SYTL3: variants seen among roughly 807,000 people sequenced by gnomAD.
The protein encoded by SYTL3 is synaptotagmin like 3.
A neutral mutation model predicts 82.1 loss-of-function variants in SYTL3; 88 were observed. The ratio of observed to expected loss-of-function variants is 1.07; its 90% CI spans 0.90 to 1.28. The LOEUF is 1.28. SYTL3 is among the 50% of genes most tolerant of loss of function. SYTL3 has a pLI of 0.00. For synonymous variants in SYTL3, 311 were observed against 289.4 expected, an observed-to-expected ratio of 1.07 and a Z score of -0.76; for missense variants, 831 against 757.6, an observed-to-expected ratio of 1.10 and a Z score of -1.14.
intron 2 of SYTL3, among the ~76,000 whole-genome samples, chr6:158,653,542 T>G (rs1035391930): frequency 6.6e-6 from 1 of 151,332 alleles, no homozygotes; most frequent in African/African-American, 2.4e-5. Context: ...AGCAAAAAAG[T>G]CATGAGGTTT....
chr6:158,693,850 C>CTTTTTTTTTTT (rs1357595960), intron 6 of SYTL3, among the ~76,000 whole-genome samples: 11 of 58,434 alleles, frequency 1.9e-4, no homozygotes, highest in South Asian at 5.1e-4. Context: ...CTTTCTTTTT[C>CTTTTTTTTTTT]TTTTCTTTTT....
intron 11 of SYTL3, among the ~76,000 whole-genome samples, chr6:158,744,688 A>G (rs1475520842): frequency 6.6e-6 from 1 of 152,132 alleles, no homozygotes; most frequent in African/African-American, 2.4e-5. Flanking sequence ...GGGAATTCGA[A>G]GTAGAAATCA....
intron 9 of SYTL3, among the ~76,000 whole-genome samples, chr6:158,714,591 A>G (rs10945556): frequency 0.092 from 14,041 of 152,178 alleles, 795 homozygotes; most frequent in African/African-American, 0.16. Flanking sequence ...TTCTGCTCAG[A>G]TACTTTTTTC....
chr6:158,761,364 C>G (rs960672298), intron 15 of SYTL3, among the ~76,000 whole-genome samples: 1 of 139,824 alleles, frequency 7.2e-6, no homozygotes, highest in Non-Finnish European at 1.5e-5. Flanking sequence ...GTGCAGTGGC[C>G]CGATCTTGGC....
chr6:158,746,456 A>ATTATTATTATTATTATTATTAT lies in SYTL3; in HGVS notation c.1034+799_1034+800insTATTATTATTATTATTATTATT, dbSNP rs1554263756. Among the ~76,000 whole-genome samples the ATTATTATTATTATTATTATTAT allele has an allele frequency of 1.8e-3, 246 of 138,628 alleles. 2 individuals carry two copies. Among genetic ancestry groups the ATTATTATTATTATTATTATTAT allele is most frequent in the Non-Finnish European group, 2.0e-3 (124 of 63,552 alleles). The allele number at this position is 138,628 out of a possible 152,430, so 90.9% of individuals were successfully genotyped here. On this transcript the variant is annotated intron_variant, in intron 12 of 17. Coordinates refer to ENST00000611299, the MANE Select transcript of SYTL3 (RefSeq NM_001242394.2). ...TAGCACCATTATAATAATAATAATA[A>ATTATTATTATTATTATTATTAT]TAATATTATTATTATTATTATTATT...
chr6:158,704,457 C>T (rs1221558407), intron 6 of SYTL3, among the ~76,000 whole-genome samples: 3 of 152,228 alleles, frequency 2.0e-5, no homozygotes, highest in African/African-American at 7.2e-5. Flanking sequence ...CGGGCCGAAG[C>T]GGAGGTTTCC....
chr6:158,742,051 C>T (rs994421208), intron 11 of SYTL3, among the ~76,000 whole-genome samples: 3 of 152,224 alleles, frequency 2.0e-5, no homozygotes, highest in Non-Finnish European at 4.4e-5. Context: ...GTGGATGTTG[C>T]GGATTGTCTT....
intron 11 of SYTL3, among the ~76,000 whole-genome samples, chr6:158,727,943 T>C (rs1348931136): frequency 6.6e-6 from 1 of 152,134 alleles, no homozygotes; most frequent in Non-Finnish European, 1.5e-5. Context: ...AATGTGACAA[T>C]AGAACTTGGA....
rs1789891779 is a variant in SYTL3, at chr6:158,761,297, A to ATTTCTT, written c.1414+556_1414+561dup. 7.0e-5 allele frequency among the ~76,000 whole-genome samples: 5 copies of ATTTCTT among 71,822 alleles called. 1 individual carries two copies. The highest frequency in any genetic ancestry group is 2.7e-4 in the African/African-American group (4 of 14,886). 47.1% of individuals were successfully genotyped at this position (71,822 alleles called of 152,430 possible). A position where few individuals can be genotyped will look rare whatever the true frequency, so the allele number is the denominator to read the frequency against. ...GGGAAGGAGGACTGGGAGAATGCAC[A>ATTTCTT]TTTCTTTTTTTTTTTTTTTTTTTGA... On this transcript the variant is annotated intron_variant, in intron 15 of 17. Coordinates refer to ENST00000611299, the MANE Select transcript of SYTL3 (RefSeq NM_001242394.2).
chr6:158,674,870 T>C (rs1777847549), intron 5 of SYTL3, among the ~76,000 whole-genome samples: 1 of 152,096 alleles, frequency 6.6e-6, no homozygotes, highest in African/African-American at 2.4e-5. Context: ...GTGTATCCTC[T>C]GGTTAAGCAA....
At chr6:158,664,410 G>A (rs532392330) in intron 4 of SYTL3, among the ~76,000 whole-genome samples, 1 of 152,242 alleles carries the variant, frequency 6.6e-6, no homozygotes. Flanking sequence ...CCGGGCGGTG[G>A]CAGGTGCCTG....
intron 14 of SYTL3, among the ~76,000 whole-genome samples, chr6:158,760,380 C>T (rs1470997694): frequency 2.0e-5 from 3 of 152,098 alleles, no homozygotes; most frequent in Non-Finnish European, 4.4e-5. Flanking sequence ...GCCCTTGAGT[C>T]CCTTCACTTC....
chr6:158,747,440 C>T (rs1787809454), intron 12 of SYTL3, among the ~76,000 whole-genome samples: 1 of 152,144 alleles, frequency 6.6e-6, no homozygotes, highest in African/African-American at 2.4e-5. Flanking sequence ...TAGCTCACTG[C>T]AGCCTCAAAG....
intron 15 of SYTL3, 118 bp downstream of exon 15, chr6:158,760,863 C>T: frequency 1.3e-6 from 1 of 749,340 alleles, no homozygotes; most frequent in Non-Finnish European, 2.3e-6. Context: ...GTCCCCGTGC[C>T]CAGCTCCAGC....
intron 5 of SYTL3, among the ~76,000 whole-genome samples, chr6:158,674,172 C>T (rs1777764816): frequency 6.6e-6 from 1 of 151,662 alleles, no homozygotes; most frequent in Non-Finnish European, 1.5e-5. Flanking sequence ...CTTTTTCTTT[C>T]TCTTTCACAT....
chr6:158,720,290 A>T (rs952199297), intron 10 of SYTL3, among the ~76,000 whole-genome samples: 2 of 150,148 alleles, frequency 1.3e-5, no homozygotes, highest in African/African-American at 4.9e-5. Context: ...AATCCCAACT[A>T]CTCAGGAGGC....
intron 13 of SYTL3, 140 bp from the exon 14 acceptor site, chr6:158,757,071 C>A: frequency 1.3e-6 from 1 of 794,828 alleles, no homozygotes. Flanking sequence ...GCTGCATCCG[C>A]ATCTTGGACT....
chr6:158,667,644 T>C (rs548140038), intron 5 of SYTL3, among the ~76,000 whole-genome samples: 2 of 152,324 alleles, frequency 1.3e-5, no homozygotes, highest in East Asian at 3.9e-4. Flanking sequence ...CCCTGCTTCT[T>C]CCTTCGCTTC....
rs1387528768 is a variant in SYTL3, at chr6:158,713,782, C to T, written c.517-18C>T. On this transcript the variant is annotated intron_variant, in intron 8 of 17. Coordinates refer to ENST00000611299, the MANE Select transcript of SYTL3 (RefSeq NM_001242394.2). ...CATCAAGCATAATTCTCATTCTCTC[C>T]TTCTGTCTCTGTTTTAGTTACAGGA... 1 of 1,522,350 alleles carries T rather than the reference C, an allele frequency of 6.6e-7. No individual in the cohort carries two copies. Among genetic ancestry groups the T allele is most frequent in the Non-Finnish European group, 8.9e-7 (1 of 1,120,746 alleles). 94.3% of individuals were successfully genotyped at this position (1,522,350 alleles called of 1,614,324 possible). A position where few individuals can be genotyped will look rare whatever the true frequency, so the allele number is the denominator to read the frequency against.
Sources: allele counts gnomAD v4.1 joint callset (sites outside exome capture counted in the v4.1 genomes callset), GRCh38; gene constraint gnomAD v4.1.1; transcripts MANE v1.5; gene names NCBI Gene and HGNC (gene_info 2026-07-23, HGNC 2026-07-21).